Variants in CAB39 observed in about 807,000 individuals in gnomAD.
The protein encoded by CAB39 is calcium-binding protein 39.
In CAB39, 8 loss-of-function variants were observed where a neutral mutation model predicts 40.0. The ratio of observed to expected loss-of-function variants is 0.20; its 90% CI spans 0.12 to 0.36. The LOEUF (loss-of-function observed/expected upper bound fraction) is 0.36. Ranked by LOEUF, CAB39 falls within the 10% of genes least tolerant of loss-of-function variation. CAB39 has a pLI of 1.00. For synonymous variants in CAB39, 156 were observed against 141.6 expected (o/e 1.10, Z -0.72); for missense variants, 270 against 401.1 (o/e 0.67, Z 2.79).
intron 4 of CAB39, among the ~76,000 whole-genome samples, chr2:230,793,772 T>G (rs1695930204): frequency 6.6e-6 from 1 of 152,188 alleles, no homozygotes; most frequent in Non-Finnish European, 1.5e-5. Context: ...CTTTGTTGAG[T>G]CAGCAAAGTA....
intron 4 of CAB39, among the ~76,000 whole-genome samples, chr2:230,794,757 C>G (rs998009845): frequency 6.6e-6 from 1 of 152,148 alleles, no homozygotes; most frequent in Non-Finnish European, 1.5e-5. Flanking sequence ...CGGTTCCTAC[C>G]CTAAACCCAG....
At chr2:230,799,801 A>G (rs1439019794) in intron 5 of CAB39, among the ~76,000 whole-genome samples, 11 of 152,114 alleles carry the variant, frequency 7.2e-5, no homozygotes, top group African/African-American at 2.7e-4. Flanking sequence ...GACCAGCCTC[A>G]CCAACATGGA....
intron 1 of CAB39, among the ~76,000 whole-genome samples, chr2:230,749,643 A>G (rs143099816): frequency 4.6e-5 from 7 of 152,192 alleles, no homozygotes; most frequent in African/African-American, 7.2e-5. Context: ...ATTTTTTCAT[A>G]TCGGTAGAAA....
At chr2:230,805,817 C>T (rs1267586962) in intron 5 of CAB39, among the ~76,000 whole-genome samples, 2 of 152,208 alleles carry the variant, frequency 1.3e-5, no homozygotes, top group South Asian at 2.1e-4. Flanking sequence ...GCTATTGGCA[C>T]GTAAATTGCC....
intron 1 of CAB39, among the ~76,000 whole-genome samples, chr2:230,757,752 T>C (rs1304444276): frequency 1.3e-5 from 2 of 152,158 alleles, no homozygotes; most frequent in Non-Finnish European, 2.9e-5. Flanking sequence ...GATAATATTT[T>C]CAGAGGACAT....
intron 2 of CAB39, among the ~76,000 whole-genome samples, chr2:230,766,014 C>T (rs1249261858): frequency 1.3e-5 from 2 of 152,130 alleles, no homozygotes; most frequent in African/African-American, 2.4e-5. Flanking sequence ...TAGTTTAAGA[C>T]TAGGAGGGAA....
At chr2:230,770,365 A>G (rs941822851) in intron 2 of CAB39, among the ~76,000 whole-genome samples, 1 of 152,344 alleles carries the variant, frequency 6.6e-6, no homozygotes, top group South Asian at 2.1e-4. Flanking sequence ...TCAACAGCTT[A>G]GATGAAATGG....
At chr2:230,735,004 A>G (rs1694761217) in intron 1 of CAB39, among the ~76,000 whole-genome samples, 1 of 152,090 alleles carries the variant, frequency 6.6e-6, no homozygotes, top group South Asian at 2.1e-4. Flanking sequence ...ATTGGGTAGC[A>G]TTTTGGCTTA....
rs1413413392 is a variant in CAB39 at position 230,782,809 on chromosome 2, CTTTCTT to C, written c.115-8059_115-8054del. ...CTGCTGTTTCTTTCTTTCTTTCTTT[CTTTCTT>C]TTTTTTTTTTTTTTTTTGAGAAGAA... On this transcript the variant is annotated intron_variant, in intron 2 of 8. Coordinates refer to ENST00000258418, the MANE Select transcript of CAB39 (RefSeq NM_016289.4). Among the ~76,000 whole-genome samples the C allele has an allele frequency of 7.3e-4, 82 of 112,446 alleles. No individual in the cohort carries two copies. In the South Asian group the frequency reaches 9.6e-3, roughly 13 times the overall value. The allele number at this position is 112,446 out of a possible 152,430, so 73.8% of individuals were successfully genotyped here. A position where few individuals can be genotyped will look rare whatever the true frequency, so the allele number is the denominator to read the frequency against.
intron 1 of CAB39, among the ~76,000 whole-genome samples, chr2:230,729,201 T>G (rs1427323875): frequency 6.6e-6 from 1 of 152,184 alleles, no homozygotes; most frequent in Non-Finnish European, 1.5e-5. Flanking sequence ...CAGCTAGTAT[T>G]TAACCTCTGG....
chr2:230,782,809 CTTTCTTTTT>C lies in CAB39; in HGVS notation c.115-8059_115-8051del, dbSNP rs1232675555. Among the ~76,000 whole-genome samples the C allele has an allele frequency of 4.9e-4, 55 of 112,452 alleles. 1 individual carries two copies. The highest frequency in any genetic ancestry group is 2.2e-3 in the African/African-American group (47 of 21,060). 73.8% of individuals were successfully genotyped at this position (112,452 alleles called of 152,430 possible). A position where few individuals can be genotyped will look rare whatever the true frequency, so the allele number is the denominator to read the frequency against. ...CTGCTGTTTCTTTCTTTCTTTCTTTCTTTCTTTTTTTTTTTTTTTTTTTGAGAAGAAGGG... is the reference window on the plus strand; with the variant it reads ...CTGCTGTTTCTTTCTTTCTTTCTTTCTTTTTTTTTTTTTTGAGAAGAAGGG... On this transcript the variant is annotated intron_variant, in intron 2 of 8. Transcript: ENST00000258418.
At chr2:230,740,618 A>G (rs1694859635) in intron 1 of CAB39, among the ~76,000 whole-genome samples, 1 of 152,104 alleles carries the variant, frequency 6.6e-6, no homozygotes, top group Non-Finnish European at 1.5e-5. Context: ...CAGACCATCA[A>G]GCATTAGGTT....
intron 1 of CAB39, among the ~76,000 whole-genome samples, chr2:230,722,045 CTT>C (rs879275195): frequency 3.8e-4 from 52 of 137,074 alleles, no homozygotes; most frequent in Non-Finnish European, 4.3e-4. Context: ...TTCACCAAGC[CTT>C]TTTTTTTTTT....
intron 2 of CAB39, among the ~76,000 whole-genome samples, chr2:230,771,521 G>A (rs1169869931): frequency 1.3e-5 from 2 of 152,170 alleles, no homozygotes; most frequent in East Asian, 1.9e-4. Flanking sequence ...CATGGGTTGG[G>A]AAACTCAATA....
intron 7 of CAB39, among the ~76,000 whole-genome samples, chr2:230,815,600 G>A (rs762598670): frequency 2.7e-4 from 41 of 152,174 alleles, no homozygotes; most frequent in Non-Finnish European, 4.6e-4. Context: ...GGGGCCGGGG[G>A]TGCAGGGTGG....
At chr2:230,752,548 A>G (rs1284369306) in intron 1 of CAB39, among the ~76,000 whole-genome samples, 1 of 152,202 alleles carries the variant, frequency 6.6e-6, no homozygotes, top group Admixed American at 6.5e-5. Flanking sequence ...GGTCCTCGTT[A>G]TAGTGACAGG....
intron 2 of CAB39, among the ~76,000 whole-genome samples, chr2:230,786,940 A>G (rs1472249042): frequency 6.6e-6 from 1 of 152,216 alleles, no homozygotes; most frequent in Non-Finnish European, 1.5e-5. Flanking sequence ...CTACCATCAG[A>G]TCTCCAAGGC....
chr2:230,795,536 A>G (rs190979183), intron 4 of CAB39, among the ~76,000 whole-genome samples: 303 of 152,258 alleles, frequency 2.0e-3, no homozygotes, highest in Non-Finnish European at 3.2e-3. Context: ...TGAGGGGGGC[A>G]AAAGTTCATG....
At position 230,725,441 on chromosome 2, in the gene CAB39, C is replaced by A. The variant is rs374926640; in HGVS notation, c.-44+12211C>A. ...TAATCCGCAACTTCAGTTCCCGTAA[C>A]GGTTCCTCCCGCCACCCGGCCACTC... On this transcript the variant is annotated intron_variant, in intron 1 of 8. Coordinates refer to ENST00000258418, the MANE Select transcript of CAB39 (RefSeq NM_016289.4). The A allele has an allele frequency of 4.5e-5, 69 of 1,521,114 alleles. No homozygotes were observed. In the South Asian group the frequency reaches 7.2e-4, roughly 16 times the overall value. The allele number at this position is 1,521,114 out of a possible 1,614,324, so 94.2% of individuals were successfully genotyped here. A position where few individuals can be genotyped will look rare whatever the true frequency, so the allele number is the denominator to read the frequency against.
Sources: allele counts gnomAD v4.1 joint callset (sites outside exome capture counted in the v4.1 genomes callset), GRCh38; gene constraint gnomAD v4.1.1; transcripts MANE v1.5; gene names NCBI Gene and HGNC (gene_info 2026-07-23, HGNC 2026-07-21).